Variants in NXNL2 observed in about 807,000 individuals in gnomAD.
NXNL2 encodes the protein nucleoredoxin-like protein 2.
Under a neutral mutation model 11.1 loss-of-function variants are expected in NXNL2, and 7 were observed. That is an observed-to-expected ratio of 0.63 (90% CI 0.36 to 1.18). NXNL2 has a LOEUF of 1.18. Among genes scored for constraint, NXNL2 ranks in the 50% most tolerant of loss-of-function variants. The pLI, the probability that NXNL2 is intolerant of heterozygous loss-of-function variation, is 0.02. For synonymous variants in NXNL2, 109 were observed against 101.8 expected (o/e 1.07, Z -0.42); for missense variants, 233 against 217.7 (o/e 1.07, Z -0.44).
chr9:88,563,444 T>G (rs1449579737), intron 1 of NXNL2, among the ~76,000 whole-genome samples: 1 of 152,190 alleles, frequency 6.6e-6, no homozygotes, highest in Non-Finnish European at 1.5e-5. Flanking sequence ...CCACACCCGG[T>G]GCTTTAGGAG....
At chr9:88,568,983 G>A (rs1830220126) in intron 1 of NXNL2, among the ~76,000 whole-genome samples, 1 of 152,036 alleles carries the variant, frequency 6.6e-6, no homozygotes, top group African/African-American at 2.4e-5. Context: ...CTGGAGTACA[G>A]TGGCACAATC....
At chr9:88,582,518 T>C (rs576523893) in intron 1 of NXNL2, among the ~76,000 whole-genome samples, 1 of 152,246 alleles carries the variant, frequency 6.6e-6, no homozygotes, top group East Asian at 1.9e-4. Context: ...GTTGGGAGAT[T>C]GCACCATTAG....
In NXNL2 at chr9:88,544,687, A is replaced by C; in HGVS notation, c.*140A>C. On this transcript the variant is annotated 3_prime_UTR_variant, in exon 2 of 2. Coordinates refer to ENST00000375854, the MANE Select transcript of NXNL2 (RefSeq NM_001161625.2). ...GAGCAGAAGCACTAAGCTGTGGTCA[A>C]AAAGCAACTATTGCTCAGGAAATAA... is the stretch of plus-strand genomic sequence containing the variant. 1 of 1,416,290 alleles carries C rather than the reference A, an allele frequency of 7.1e-7. No homozygotes were observed. The highest frequency in any genetic ancestry group is 1.6e-5 in the South Asian group (1 of 62,598). The allele number at this position is 1,416,290 out of a possible 1,614,324, so 87.7% of individuals were successfully genotyped here. A position where few individuals can be genotyped will look rare whatever the true frequency, so the allele number is the denominator to read the frequency against.
downstream of NXNL2, among the ~76,000 whole-genome samples, chr9:88,546,789 G>A (rs768806792): frequency 1.3e-5 from 2 of 152,010 alleles, no homozygotes; most frequent in African/African-American, 4.8e-5. Flanking sequence ...CCTTCTTTCC[G>A]AGAACTGTGT....
chr9:88,567,036 T>C lies in NXNL2; in HGVS notation c.303-4051T>C, dbSNP rs185696683. On this transcript the variant is annotated intron_variant, in intron 1 of 2. Coordinates refer to the NXNL2 transcript ENST00000375855. ...TCTATCTATCATCTAATATGTTTTC[T>C]TTCTCCACAGACAGACTGTGACTTC... Among the ~76,000 whole-genome samples the C allele has an allele frequency of 2.0e-3, 265 of 133,068 alleles. 2 individuals are homozygous for C. Among genetic ancestry groups the C allele is most frequent in the South Asian group, 6.3e-3 (27 of 4,254 alleles). 87.3% of individuals were successfully genotyped at this position (133,068 alleles called of 152,430 possible).
At position 88,544,361 on chromosome 9, in the gene NXNL2, C is replaced by T. The variant is rs1479106788; in HGVS notation, c.303-18C>T. The T allele has an allele frequency of 1.3e-6, 2 of 1,549,196 alleles. No homozygotes were observed. Among genetic ancestry groups the T allele is most frequent in the African/African-American group, 2.7e-5 (2 of 72,924 alleles). On this transcript the variant is annotated intron_variant, in intron 1 of 1. Coordinates refer to ENST00000375854, the MANE Select transcript of NXNL2 (RefSeq NM_001161625.2). ...CATGTGGGAGTGCTAACTTCGGTACCACTCTTCTGTCCTGCAGTGAGCTGA... is the reference window on the plus strand; with the variant it reads ...CATGTGGGAGTGCTAACTTCGGTACTACTCTTCTGTCCTGCAGTGAGCTGA...
rs1199094658 is a variant in NXNL2 at position 88,544,503 on chromosome 9, G to A, written c.427G>A (p.Asp143Asn). Residue 143 changes from aspartate (D) to asparagine (N), a missense_variant, in exon 2 of 2, where the codon GAC becomes AAC. Coordinates refer to ENST00000375854, the MANE Select transcript of NXNL2 (RefSeq NM_001161625.2). ...IRERGLACFQDWVEAADIFQN... is the reference protein window; with the variant it reads ...IRERGLACFQNWVEAADIFQN... ...GGAACGGGGGTTGGCCTGCTTCCAG[G>A]ACTGGGTGGAGGCGGCCGATATCTT... 2 of 1,550,972 alleles carry A rather than the reference G, an allele frequency of 1.3e-6. No individual in the cohort carries two copies. The highest frequency in any genetic ancestry group is 2.7e-5 in the African/African-American group (2 of 73,172).
downstream of NXNL2, among the ~76,000 whole-genome samples, chr9:88,546,148 C>CGTGTGTGTGTGTGTGTGTGT (rs747134247): frequency 4.1e-5 from 6 of 147,376 alleles, no homozygotes; most frequent in African/African-American, 1.2e-4. Context: ...ACTGAGTGTT[C>CGTGTGTGTGTGTGTGTGTGT]GTGTGTGTGT....
chr9:88,568,261 T>G (rs1830207609), intron 1 of NXNL2, among the ~76,000 whole-genome samples: 1 of 152,196 alleles, frequency 6.6e-6, no homozygotes, highest in Non-Finnish European at 1.5e-5. Flanking sequence ...AATTTAAATT[T>G]AAATGCCCAC....
intron 1 of NXNL2, among the ~76,000 whole-genome samples, chr9:88,542,374 C>T (rs950890352): frequency 8.6e-5 from 13 of 151,886 alleles, no homozygotes; most frequent in African/African-American, 2.4e-4. Flanking sequence ...CTGCAACTTC[C>T]GCCTGCTGGA....
chr9:88,564,522 T>A (rs987512412), intron 1 of NXNL2, among the ~76,000 whole-genome samples: 1 of 152,082 alleles, frequency 6.6e-6, no homozygotes, highest in African/African-American at 2.4e-5. Context: ...GTTCAAGTGA[T>A]TCTCCTACCT....
chr9:88,546,184 A>G (rs1829843545), downstream of NXNL2, among the ~76,000 whole-genome samples: 1 of 134,610 alleles, frequency 7.4e-6, no homozygotes, highest in Admixed American at 7.3e-5. Context: ...TGTGAGAACC[A>G]CAACCACACA....
chr9:88,535,746 G>A lies in NXNL2; in HGVS notation c.302+10G>A, dbSNP rs1829600880. The A allele has an allele frequency of 1.3e-6, 2 of 1,541,858 alleles. No homozygotes were observed. Among genetic ancestry groups the A allele is most frequent in the Non-Finnish European group, 8.7e-7 (1 of 1,154,614 alleles). ...ACGACCCCTACCGGCAGTGAGTGGG[G>A]GTCCTGGGGGGGCGGGGGCCGCCCG... On this transcript the variant is annotated intron_variant, in intron 1 of 1. Transcript: ENST00000375854.
chr9:88,578,839 G>A (rs958179635), downstream of NXNL2, among the ~76,000 whole-genome samples: 1 of 152,248 alleles, frequency 6.6e-6, no homozygotes, highest in Admixed American at 6.5e-5. Context: ...ACTGATTCAC[G>A]GGGAAAGGGC....
chr9:88,536,310 C>T (rs1829617749), intron 1 of NXNL2, among the ~76,000 whole-genome samples: 1 of 152,154 alleles, frequency 6.6e-6, no homozygotes, highest in Non-Finnish European at 1.5e-5. Flanking sequence ...AGGTGCTGGC[C>T]ACCTTTGCGG....
intron 1 of NXNL2, among the ~76,000 whole-genome samples, chr9:88,566,398 G>A (rs573362931): frequency 4.1e-4 from 63 of 152,014 alleles, no homozygotes; most frequent in African/African-American, 1.3e-3. Flanking sequence ...TGCCTTCCGC[G>A]TTCAAGCAAT....
At chr9:88,580,835 T>C (rs184455237) in intron 1 of NXNL2, among the ~76,000 whole-genome samples, 285 of 152,364 alleles carry the variant, frequency 1.9e-3, no homozygotes, top group African/African-American at 6.5e-3. Flanking sequence ...CCTTGGTCTC[T>C]TTTAGTCTGG....
chr9:88,551,674 T>C (rs1401255598), intron 1 of NXNL2, among the ~76,000 whole-genome samples: 1 of 152,184 alleles, frequency 6.6e-6, no homozygotes, highest in African/African-American at 2.4e-5. Context: ...TTCTCTCTCC[T>C]GTTTATTTTG....
intron 1 of NXNL2, among the ~76,000 whole-genome samples, chr9:88,554,176 C>T (rs1026861534): frequency 6.6e-6 from 1 of 151,984 alleles, no homozygotes; most frequent in Admixed American, 6.6e-5. Flanking sequence ...GGACCACTGC[C>T]CCATTCTGAC....
Sources: allele counts gnomAD v4.1 joint callset (sites outside exome capture counted in the v4.1 genomes callset), GRCh38; gene constraint gnomAD v4.1.1; transcripts MANE v1.5; gene names NCBI Gene and HGNC (gene_info 2026-07-23, HGNC 2026-07-21).